The following RAPGEF4 variants were observed in gnomAD, a reference collection of about 807,000 sequenced individuals.
The protein encoded by RAPGEF4 is Rap guanine nucleotide exchange factor 4.
A neutral mutation model predicts 147.9 loss-of-function variants in RAPGEF4; 66 were observed. That is an observed-to-expected ratio of 0.45 (90% CI 0.37 to 0.55). The LOEUF (loss-of-function observed/expected upper bound fraction) is 0.55, where lower values mean the gene tolerates loss of function less well. Ranked by LOEUF, RAPGEF4 falls within the 20% of genes least tolerant of loss-of-function variation. The probability of loss-of-function intolerance (pLI) is 0.00; values close to 1 mark genes in which losing one functional copy is unlikely to be tolerated. For synonymous variants in RAPGEF4, 419 were observed against 442.7 expected (o/e 0.95, Z 0.67); for missense variants, 1,071 against 1,257.3 (o/e 0.85, Z 2.24).
chr2:172,880,742 C>G (rs536022789), intron 4 of RAPGEF4, among the ~76,000 whole-genome samples: 4 of 152,316 alleles, frequency 2.6e-5, no homozygotes, highest in Admixed American at 1.3e-4. Flanking sequence ...CTTTAACCTG[C>G]TTGTGCCTCA....
At chr2:172,935,083 G>T (rs1163810169) in intron 6 of RAPGEF4, among the ~76,000 whole-genome samples, 1 of 152,152 alleles carries the variant, frequency 6.6e-6, no homozygotes, top group African/African-American at 2.4e-5. Flanking sequence ...GGACTGTGGT[G>T]GTAGGATGGC....
intron 17 of RAPGEF4, among the ~76,000 whole-genome samples, chr2:173,005,520 G>GTT (rs573596077): frequency 0.034 from 2,914 of 86,550 alleles, 251 homozygotes; most frequent in Non-Finnish European, 0.044. Context: ...GTTGTTTTGT[G>GTT]TTTTTTTTTT....
At chr2:172,975,445 A>G (rs1370381449) in intron 10 of RAPGEF4, among the ~76,000 whole-genome samples, 2 of 152,224 alleles carry the variant, frequency 1.3e-5, no homozygotes, top group East Asian at 3.9e-4. Context: ...ATTGAGCTTA[A>G]TCAATACCAA....
intron 3 of RAPGEF4, among the ~76,000 whole-genome samples, chr2:172,810,181 C>T (rs556438305): frequency 6.6e-6 from 1 of 152,318 alleles, no homozygotes; most frequent in South Asian, 2.1e-4. Context: ...AGCTCTTCTA[C>T]TTACTAGCCA....
At chr2:172,914,509 A>G (rs996209448) in intron 4 of RAPGEF4, among the ~76,000 whole-genome samples, 2 of 151,368 alleles carry the variant, frequency 1.3e-5, no homozygotes, top group African/African-American at 4.9e-5. Flanking sequence ...GGAAATATGC[A>G]TTTTAAAATT....
chr2:172,812,655 T>C (rs1688134869), intron 3 of RAPGEF4, among the ~76,000 whole-genome samples: 1 of 152,248 alleles, frequency 6.6e-6, no homozygotes, highest in Non-Finnish European at 1.5e-5. Context: ...TTTTGCATTA[T>C]ACTTCGCAAA....
chr2:172,914,298 G>A (rs1683787579), intron 4 of RAPGEF4, among the ~76,000 whole-genome samples: 1 of 146,784 alleles, frequency 6.8e-6, no homozygotes, highest in Non-Finnish European at 1.5e-5. Flanking sequence ...GAGGTTCCTA[G>A]CTCAGTCAAA....
chr2:173,025,211 G>C (rs1696546439), intron 23 of RAPGEF4, among the ~76,000 whole-genome samples: 1 of 152,244 alleles, frequency 6.6e-6, no homozygotes, highest in South Asian at 2.1e-4. Context: ...GGCCAGACAG[G>C]GTTGATTCCC....
intron 4 of RAPGEF4, among the ~76,000 whole-genome samples, chr2:172,854,897 G>A (rs1354235416): frequency 1.3e-5 from 2 of 152,162 alleles, no homozygotes; most frequent in African/African-American, 2.4e-5. Context: ...GTCTCTGCAA[G>A]CCCGATGGAG....
At chr2:172,917,409 A>G (rs912170853) in intron 4 of RAPGEF4, 2 of 496,708 alleles carry the variant, frequency 4.0e-6, no homozygotes, top group Non-Finnish European at 8.0e-6. Flanking sequence ...CCATTCACCT[A>G]TTAAGTAGGC....
intron 4 of RAPGEF4, among the ~76,000 whole-genome samples, chr2:172,881,772 G>T (rs1696661745): frequency 6.6e-6 from 1 of 152,194 alleles, no homozygotes; most frequent in South Asian, 2.1e-4. Flanking sequence ...TTTTTAAATT[G>T]TACTTCTAAG....
At chr2:172,779,757 A>T (rs1684512585) in intron 1 of RAPGEF4, among the ~76,000 whole-genome samples, 1 of 152,206 alleles carries the variant, frequency 6.6e-6, no homozygotes, top group Admixed American at 6.5e-5. Flanking sequence ...CTGCTAGGAG[A>T]TCAGTGCCAT....
intron 4 of RAPGEF4, among the ~76,000 whole-genome samples, chr2:172,908,503 G>T (rs894994165): frequency 1.3e-5 from 2 of 152,252 alleles, no homozygotes; most frequent in Non-Finnish European, 2.9e-5. Flanking sequence ...CATCTTAACA[G>T]AGGGTAGAGT....
At chr2:172,848,199 G>A (rs771563382) in intron 4 of RAPGEF4, among the ~76,000 whole-genome samples, 12 of 151,956 alleles carry the variant, frequency 7.9e-5, no homozygotes, top group Non-Finnish European at 1.6e-4. Flanking sequence ...CTAAACTCAC[G>A]CGCAGGGCAC....
chr2:172,781,441 T>C (rs1684671559), intron 1 of RAPGEF4, among the ~76,000 whole-genome samples: 1 of 152,092 alleles, frequency 6.6e-6, no homozygotes, highest in African/African-American at 2.4e-5. Flanking sequence ...CCTAGGAGTT[T>C]TAATTTTTAG....
At position 173,026,652 on chromosome 2, in the gene RAPGEF4, C is replaced by T; in HGVS notation, c.2334C>T (p.Tyr778=). 2 of 1,613,944 alleles carry T rather than the reference C, an allele frequency of 1.2e-6. No homozygotes were observed. Among genetic ancestry groups the T allele is most frequent in the Non-Finnish European group, 1.7e-6 (2 of 1,179,894 alleles). The change falls in exon 24 of 31, where the codon TAC becomes TAT. Residue 778 remains tyrosine, a synonymous_variant. Coordinates refer to ENST00000397081, the MANE Select transcript of RAPGEF4 (RefSeq NM_007023.4). ...TGATGAGCTCCAAAGATTTAGCATA[C>T]CAGATGACAATTTATGATTGGGAAC... is the stretch of plus-strand genomic sequence containing the variant. ...FELMSSKDLA[Y]QMTIYDWELF...
intron 1 of RAPGEF4, 40 bp from the exon 2 acceptor site, chr2:172,794,985 C>G: frequency 6.4e-7 from 1 of 1,560,168 alleles, no homozygotes; most frequent in Non-Finnish European, 8.7e-7. Context: ...TGAGGTAAAT[C>G]TTTACTGACA....
intron 4 of RAPGEF4, among the ~76,000 whole-genome samples, chr2:172,850,487 G>A (rs1434258905): frequency 7.9e-5 from 12 of 151,968 alleles, no homozygotes; most frequent in Admixed American, 3.3e-4. Flanking sequence ...GCATGGTGGC[G>A]GGCACCTATA....
At chr2:172,748,700 C>T (rs115577023) in intron 1 of RAPGEF4, among the ~76,000 whole-genome samples, 1,586 of 152,322 alleles carry the variant, frequency 0.01, 27 homozygotes, top group African/African-American at 0.035. Context: ...ATCATGCCTT[C>T]CCAACTGTTC....
Sources: gnomAD v4.1 joint callset for allele counts (sites outside exome capture counted in the v4.1 genomes callset) on GRCh38, gnomAD v4.1.1 for gene constraint, MANE v1.5 for transcripts, NCBI Gene and HGNC (gene_info 2026-07-23, HGNC 2026-07-21) for gene names.